The following LAMP3 variants were observed in gnomAD, a reference collection of about 807,000 sequenced individuals.
LAMP3 encodes lysosome-associated membrane glycoprotein 3.
In LAMP3, 26 loss-of-function variants were observed where a neutral mutation model predicts 34.8. That is an observed-to-expected ratio of 0.75 (90% confidence interval 0.55 to 1.04). The LOEUF (loss-of-function observed/expected upper bound fraction) is 1.04, where lower values mean the gene tolerates loss of function less well. LAMP3 is among the 50% of genes least tolerant of loss of function. The pLI is 0.00. For synonymous variants in LAMP3, 180 were observed against 201.9 expected (o/e 0.89, Z 0.92); for missense variants, 495 against 524.0 (o/e 0.94, Z 0.54).
chr3:183,139,532 T>C (rs561160261), intron 4 of LAMP3, among the ~76,000 whole-genome samples: 185 of 152,326 alleles, frequency 1.2e-3, no homozygotes, highest in Non-Finnish European at 2.2e-3. Flanking sequence ...ATACTGTTTT[T>C]TCCTGCATAT....
chr3:183,151,178 G>A lies in LAMP3; in HGVS notation c.888+1197C>T, dbSNP rs141392976. Among the ~76,000 whole-genome samples, 12 of 152,282 alleles carry A rather than the reference G, an allele frequency of 7.9e-5. No individual in the cohort carries two copies. In the East Asian group the frequency reaches 2.1e-3, roughly 27 times the overall value. ...TAATTATTTCCATTTTACAGATTGG[G>A]AAACAAGCCCCAACTCCCCTGAGAT... On this transcript the variant is annotated intron_variant, in intron 3 of 5. Transcript: ENST00000265598.
At chr3:183,153,392 G>T (rs1241031397) in intron 2 of LAMP3, among the ~76,000 whole-genome samples, 1 of 152,168 alleles carries the variant, frequency 6.6e-6, no homozygotes, top group Non-Finnish European at 1.5e-5. Flanking sequence ...GAGGGGCTGA[G>T]ATCAACGCTG....
At chr3:183,152,573 AG>A in intron 2 of LAMP3, 70 bp from the exon 3 acceptor site, 2 of 1,428,030 alleles carry the variant, frequency 1.4e-6, no homozygotes, top group South Asian at 2.7e-5. Context: ...CCAGATGCAC[AG>A]GCTAGTTTGT....
intron 3 of LAMP3, among the ~76,000 whole-genome samples, chr3:183,142,799 G>A (rs1720324902): frequency 6.6e-6 from 1 of 152,118 alleles, no homozygotes; most frequent in African/African-American, 2.4e-5. Context: ...AAATGAAAGT[G>A]CCGGGCCATG....
intron 1 of LAMP3, among the ~76,000 whole-genome samples, chr3:183,159,423 G>C (rs915489159): frequency 6.6e-6 from 1 of 152,204 alleles, no homozygotes; most frequent in African/African-American, 2.4e-5. Context: ...GAGGAGGGGA[G>C]ACCAGCAGGG....
At chr3:183,158,592 G>A (rs1225303081) in intron 1 of LAMP3, among the ~76,000 whole-genome samples, 2 of 151,562 alleles carry the variant, frequency 1.3e-5, no homozygotes, top group Admixed American at 6.6e-5. Flanking sequence ...TGCATGAAGA[G>A]GCGTTAGAAG....
At chr3:183,142,331 T>G (rs1426534276) in intron 3 of LAMP3, among the ~76,000 whole-genome samples, 3 of 151,972 alleles carry the variant, frequency 2.0e-5, no homozygotes, top group Non-Finnish European at 4.4e-5. Context: ...CACTGTGAGA[T>G]TGATTTGAGG....
intron 5 of LAMP3, among the ~76,000 whole-genome samples, chr3:183,124,524 G>A (rs1719738329): frequency 1.3e-5 from 2 of 152,194 alleles, no homozygotes; most frequent in South Asian, 4.1e-4. Context: ...TCCCTGCTAA[G>A]TGGGATATGC....
At chr3:183,124,800 C>A (rs780194459) in intron 5 of LAMP3, among the ~76,000 whole-genome samples, 3 of 152,204 alleles carry the variant, frequency 2.0e-5, no homozygotes, top group South Asian at 4.1e-4. Context: ...CCATTGCACT[C>A]CAGCCTGGGC....
At chr3:183,142,509 C>A (rs1389371826) in intron 3 of LAMP3, among the ~76,000 whole-genome samples, 1 of 151,814 alleles carries the variant, frequency 6.6e-6, no homozygotes, top group Non-Finnish European at 1.5e-5. Flanking sequence ...CTCACTTGAT[C>A]CTTACAACGA....
intron 5 of LAMP3, among the ~76,000 whole-genome samples, chr3:183,134,586 T>G (rs663739): frequency 0.62 from 94,139 of 152,040 alleles, 30,986 homozygotes; most frequent in Non-Finnish European, 0.74. Flanking sequence ...TGAGAGTGGA[T>G]GACAAATGGG....
intron 5 of LAMP3, among the ~76,000 whole-genome samples, chr3:183,130,804 C>T (rs1719896946): frequency 6.6e-6 from 1 of 152,166 alleles, no homozygotes; most frequent in Admixed American, 6.5e-5. Flanking sequence ...TTTTCACTAC[C>T]CTAGGTTGGA....
intron 3 of LAMP3, among the ~76,000 whole-genome samples, chr3:183,148,153 A>G (rs1720503445): frequency 2.0e-5 from 3 of 152,212 alleles, no homozygotes; most frequent in Admixed American, 6.5e-5. Flanking sequence ...ATCTCTTGCA[A>G]TGTACAGCAA....
At chr3:183,124,340 C>T (rs1343769156) in intron 5 of LAMP3, 126 bp from the exon 6 acceptor site, 1 of 788,700 alleles carries the variant, frequency 1.3e-6, no homozygotes, top group Non-Finnish European at 1.9e-6. Flanking sequence ...CCACCATTAA[C>T]TAGCTTTGTG....
At chr3:183,136,013 G>A in intron 4 of LAMP3, 126 bp from the exon 5 acceptor site, 1 of 746,934 alleles carries the variant, frequency 1.3e-6, no homozygotes, top group South Asian at 1.7e-5. Context: ...TGGGGGTTCT[G>A]CCACCTTCTC....
intron 5 of LAMP3, chr3:183,132,880 G>A: frequency 1.0e-6 from 1 of 985,434 alleles, no homozygotes; most frequent in African/African-American, 1.7e-5. Flanking sequence ...TTAGCAAAAT[G>A]ACAAGCAGTC....
At chr3:183,132,194 T>G (rs1442406498) in intron 5 of LAMP3, 1 of 985,306 alleles carries the variant, frequency 1.0e-6, no homozygotes, top group African/African-American at 1.7e-5. Flanking sequence ...TTTGCCATGA[T>G]CTTTGATATG....
intron 1 of LAMP3, among the ~76,000 whole-genome samples, chr3:183,159,347 T>G (rs1016172091): frequency 6.6e-6 from 1 of 152,096 alleles, no homozygotes; most frequent in Non-Finnish European, 1.5e-5. Flanking sequence ...AGAAGTCTTG[T>G]ATGTCTGGAG....
intron 4 of LAMP3, 53 bp from the exon 5 acceptor site, chr3:183,135,940 T>C: frequency 1.4e-6 from 2 of 1,443,924 alleles, no homozygotes; most frequent in Non-Finnish European, 1.9e-6. Context: ...ACCGCTGAGC[T>C]CCAGCTGTGG....
Sources: allele counts gnomAD v4.1 joint callset (sites outside exome capture counted in the v4.1 genomes callset), GRCh38; gene constraint gnomAD v4.1.1; transcripts MANE v1.5; gene names NCBI Gene and HGNC (gene_info 2026-07-23, HGNC 2026-07-21).